KCNT1: variants seen among roughly 807,000 people sequenced by gnomAD.
The protein encoded by KCNT1 is potassium channel subfamily T member 1.
Under a neutral mutation model 147.8 loss-of-function variants are expected in KCNT1, and 78 were observed. The ratio of observed to expected loss-of-function variants is 0.53; its 90% CI spans 0.44 to 0.64. KCNT1 has a LOEUF of 0.64. KCNT1 is among the 30% of genes least tolerant of loss of function. The pLI, the probability that KCNT1 is intolerant of heterozygous loss-of-function variation, is 0.00. For missense variants in KCNT1, 1,419 were observed against 1,750.3 expected (o/e 0.81, Z 3.38); for synonymous variants, 867 against 748.8 (o/e 1.16, Z -2.58).
chr9:135,744,206 C>A (rs1391020201), intron 2 of KCNT1, among the ~76,000 whole-genome samples: 1 of 152,262 alleles, frequency 6.6e-6, no homozygotes, highest in Non-Finnish European at 1.5e-5. Flanking sequence ...TGCCAGGAAT[C>A]CCTGGAAGGC....
In KCNT1 at chr9:135,770,915, C is replaced by A. The variant is rs1219746061; in HGVS notation, c.1828C>A (p.Pro610Thr). 1.2e-6 allele frequency: 2 copies of A among 1,609,990 alleles called. No homozygotes were observed. The highest frequency in any genetic ancestry group is 1.7e-6 in the Non-Finnish European group (2 of 1,178,194). ...GGACAACAAGAGCATCCTGCTGAAC[C>A]CGGGGCCCCGGCACATCCTGGCCGC... is the stretch of plus-strand genomic sequence containing the variant. ...REDNKSILLN[P>T]GPRHILAASD... Residue 610 changes from proline to threonine, a missense_variant, in exon 18 of 31, where the codon CCG becomes ACG. This residue lies in a region of KCNT1 where 284 missense variants were observed against 292.8 expected (regional missense o/e 0.97). Coordinates refer to ENST00000371757, the MANE Select transcript of KCNT1 (RefSeq NM_020822.3).
intron 2 of KCNT1, among the ~76,000 whole-genome samples, chr9:135,724,474 G>C (rs529911326): frequency 5.9e-5 from 9 of 152,372 alleles, no homozygotes; most frequent in Admixed American, 3.3e-4. Flanking sequence ...AGTGGTCGGC[G>C]AGGGGCGTGG....
chr9:135,785,329 A>G lies in KCNT1; in HGVS notation c.3176A>G (p.Gln1059Arg), dbSNP rs1489453171. ...TTGCAGCCCCACGACCTCAGAGCCC[A>G]GGTAAGCAACCCCTCCGTGCCCACG... is the stretch of plus-strand genomic sequence containing the variant. ...STSEPHDLRA[Q>R]SQISVNVEDC... The change falls in exon 28 of 31, where the codon CAG (glutamine) becomes CGG (arginine). Residue 1059 changes from glutamine to arginine, a missense_variant and splice_region_variant. Gln to Arg is a conservative substitution (Grantham distance 43). Around this residue, in one of 5 missense-constraint regions of KCNT1, gnomAD observed 306 missense variants for 294.2 expected, o/e 1.04. Transcript: ENST00000371757. The G allele has an allele frequency of 1.9e-6, 3 of 1,613,018 alleles. No homozygotes were observed. Among genetic ancestry groups the G allele is most frequent in the Admixed American group, 3.3e-5 (2 of 60,010 alleles).
chr9:135,711,140 C>G (rs550456374), intron 1 of KCNT1, among the ~76,000 whole-genome samples: 6 of 152,380 alleles, frequency 3.9e-5, no homozygotes, highest in African/African-American at 1.2e-4. Flanking sequence ...TTGCTTTTAT[C>G]CTTTTTCTCG....
rs371719257 is a variant in KCNT1, at chr9:135,733,071, C to A, written c.255-17027C>A. Among the ~76,000 whole-genome samples, 18 of 152,126 alleles carry A rather than the reference C, an allele frequency of 1.2e-4. No individual in the cohort carries two copies. The East Asian group carries it at 2.7e-3, about 23-fold the overall frequency. ...CTCCTCTGTGACTCCCCTGGACACC[C>A]TCCAGGAGGTCTGTGATGCTGACCT... On this transcript the variant is annotated intron_variant, in intron 2 of 30. Coordinates refer to ENST00000371757, the MANE Select transcript of KCNT1 (RefSeq NM_020822.3).
At chr9:135,759,494 T>C (rs771298081) in intron 10 of KCNT1, among the ~76,000 whole-genome samples, 185 bp from the exon 11 acceptor site, 63 of 152,158 alleles carry the variant, frequency 4.1e-4, no homozygotes, top group African/African-American at 1.4e-3. Context: ...CCGGCAGAGC[T>C]TGGGGACAGA....
rs182857006 is a variant in KCNT1, at chr9:135,761,634, G to A, written c.1035+1775G>A. Among the ~76,000 whole-genome samples, 11 of 152,330 alleles carry A rather than the reference G, an allele frequency of 7.2e-5. No individual in the cohort carries two copies. The East Asian group carries it at 1.5e-3, about 21-fold the overall frequency. Reference sequence around the variant, plus strand: ...ACCTTGCTACGGGCCCCCAGCCTCCGTCCCTGGTCCGCCCCGGCCCACACT... The same window carrying A: ...ACCTTGCTACGGGCCCCCAGCCTCCATCCCTGGTCCGCCCCGGCCCACACT... On this transcript the variant is annotated intron_variant, in intron 11 of 30. Transcript: ENST00000371757.
At position 135,773,277 on chromosome 9, in the gene KCNT1, G is replaced by A. The variant is rs118000596; in HGVS notation, c.2243+328G>A. ...CAGGGGCTGTCAGGCACCAGGCAGC[G>A]CCACCCTCAGAGAGGGGCCCGTTCC... On this transcript the variant is annotated intron_variant, in intron 19 of 30. Coordinates refer to ENST00000371757, the MANE Select transcript of KCNT1 (RefSeq NM_020822.3). Among the ~76,000 whole-genome samples the A allele has an allele frequency of 5.2e-3, 796 of 152,266 alleles. 18 individuals are homozygous for A. The East Asian group carries it at 0.064, about 12-fold the overall frequency.
chr9:135,715,129 G>A (rs995467552), intron 2 of KCNT1, among the ~76,000 whole-genome samples: 4 of 152,328 alleles, frequency 2.6e-5, no homozygotes, highest in African/African-American at 4.8e-5. Context: ...CTCAGGCAGC[G>A]GTCCTTGATT....
chr9:135,775,567 A>C, intron 20 of KCNT1, 152 bp downstream of exon 20: 1 of 588,382 alleles, frequency 1.7e-6, no homozygotes. Flanking sequence ...AGAGCCACAG[A>C]TCCTTCACCC....
chr9:135,776,188 T>C (rs1032404969), intron 20 of KCNT1, among the ~76,000 whole-genome samples: 4 of 152,062 alleles, frequency 2.6e-5, no homozygotes, highest in Admixed American at 6.5e-5. Context: ...GGGGACGTGT[T>C]GAGATCAGGA....
intron 2 of KCNT1, among the ~76,000 whole-genome samples, chr9:135,729,924 G>T (rs575699760): frequency 6.6e-6 from 1 of 152,302 alleles, no homozygotes; most frequent in Admixed American, 6.5e-5. Flanking sequence ...AAGGTGGCCT[G>T]TGGCTTTACG....
intron 29 of KCNT1, among the ~76,000 whole-genome samples, chr9:135,787,247 C>T (rs559086158): frequency 3.3e-5 from 5 of 152,218 alleles, no homozygotes; most frequent in Non-Finnish European, 7.3e-5. Context: ...CCTCTCTCTG[C>T]GCCTTGTGGT....
chr9:135,781,317 G>A (rs533431896), intron 24 of KCNT1, among the ~76,000 whole-genome samples: 2 of 152,336 alleles, frequency 1.3e-5, no homozygotes, highest in South Asian at 2.1e-4. Flanking sequence ...CCTGGGCAGG[G>A]CCAGGCATAT....
At position 135,757,144 on chromosome 9, in the gene KCNT1, G is replaced by A. The variant is rs765238793; in HGVS notation, c.601-12G>A. On this transcript the variant is annotated splice_polypyrimidine_tract_variant and intron_variant, in intron 7 of 30. Transcript: ENST00000371757. ...TCCATCGCCCCCGCTGATACCCCCC[G>A]TTTGGCCCCAGGGCAACATCTGGGA... The A allele has an allele frequency of 2.7e-5, 24 of 873,840 alleles. No homozygotes were observed. The highest frequency in any genetic ancestry group is 2.9e-4 in the Middle Eastern group (1 of 3,484). The allele number at this position is 873,840 out of a possible 1,614,324, so 54.1% of individuals were successfully genotyped here.
At chr9:135,791,316 A>G (rs2064145362) in intron 29 of KCNT1, 1 of 180,236 alleles carries the variant, frequency 5.5e-6, no homozygotes, top group African/African-American at 2.4e-5. Flanking sequence ...TGTGGATACC[A>G]TAGGCATGGG....
chr9:135,768,484 CTCTT>C, intron 13 of KCNT1, 122 bp from the exon 14 acceptor site: 1 of 677,298 alleles, frequency 1.5e-6, no homozygotes, highest in Non-Finnish European at 2.6e-6. Flanking sequence ...TCCTCTCAGT[CTCTT>C]TCTGTGCACC....
At chr9:135,719,549 A>G (rs1046220723) in intron 2 of KCNT1, among the ~76,000 whole-genome samples, 72 of 150,274 alleles carry the variant, frequency 4.8e-4, no homozygotes, top group African/African-American at 1.7e-3. Context: ...GCAGGCAGCC[A>G]CCCCCCGCCA....
rs1437953946 is a variant in KCNT1 at position 135,730,934 on chromosome 9, G to A, written c.254+16214G>A. 1.0e-4 allele frequency among the ~76,000 whole-genome samples: 15 copies of A among 142,992 alleles called. No individual in the cohort carries two copies. In the South Asian group the frequency reaches 2.9e-3, roughly 28 times the overall value. The allele number at this position is 142,992 out of a possible 152,430, so 93.8% of individuals were successfully genotyped here. A position where few individuals can be genotyped will look rare whatever the true frequency, so the allele number is the denominator to read the frequency against. The stretch of plus-strand genomic sequence containing the variant: ...CCAGGAGGTCCAGGCTGCAGTGAGC[G>A]ATGTTCATGCCACTGCACTCCAGCC... On this transcript the variant is annotated intron_variant, in intron 2 of 30. Coordinates refer to ENST00000371757, the MANE Select transcript of KCNT1 (RefSeq NM_020822.3). The surrounding 1 kb of genome is among the most constrained non-coding windows in gnomAD (Gnocchi z 4.7).
Sources: gnomAD v4.1 joint callset for allele counts (sites outside exome capture counted in the v4.1 genomes callset) on GRCh38, gnomAD v4.1.1 for gene constraint, gnomAD v4.1.1 regional missense constraint, Gnocchi (gnomAD v3.1) non-coding constraint, MANE v1.5 for transcripts, NCBI Gene and HGNC (gene_info 2026-07-23, HGNC 2026-07-21) for gene names.